The following RAB31 variants were observed in gnomAD, a reference collection of about 807,000 sequenced individuals.
RAB31 encodes RAB31, member RAS oncogene family, also known as ras-related protein Rab-31.
A neutral mutation model predicts 25.6 loss-of-function variants in RAB31; 21 were observed. The ratio of observed to expected loss-of-function variants is 0.82; its 90% CI spans 0.58 to 1.18. The LOEUF is 1.18. Among genes scored for constraint, RAB31 ranks in the 50% most tolerant of loss-of-function variants. The probability of loss-of-function intolerance (pLI) is 0.00; values close to 1 mark genes in which losing one functional copy is unlikely to be tolerated. For synonymous variants in RAB31, 87 were observed against 84.0 expected, an observed-to-expected ratio of 1.04 and a Z score of -0.20; for missense variants, 196 against 250.1, an observed-to-expected ratio of 0.78 and a Z score of 1.46.
At chr18:9,781,654 G>A (rs2068405498) in intron 2 of RAB31, among the ~76,000 whole-genome samples, 1 of 152,218 alleles carries the variant, frequency 6.6e-6, no homozygotes, top group African/African-American at 2.4e-5. Flanking sequence ...TGGAGTCAAT[G>A]TTAGGCTCAG....
At chr18:9,846,163 G>C (rs1344214807) in intron 6 of RAB31, among the ~76,000 whole-genome samples, 2 of 152,140 alleles carry the variant, frequency 1.3e-5, no homozygotes, top group Non-Finnish European at 2.9e-5. Context: ...TTGGATACAG[G>C]GTTGGCGTGT....
intron 1 of RAB31, among the ~76,000 whole-genome samples, chr18:9,728,851 A>C (rs889182568): frequency 6.6e-6 from 1 of 152,064 alleles, no homozygotes; most frequent in African/African-American, 2.4e-5. Context: ...GAATATAATA[A>C]ATTTTTTTAT....
chr18:9,739,745 G>A (rs1484589179), intron 1 of RAB31, among the ~76,000 whole-genome samples: 1 of 152,090 alleles, frequency 6.6e-6, no homozygotes, highest in Non-Finnish European at 1.5e-5. Context: ...GTGGCTTGTG[G>A]GGTCATCACA....
At chr18:9,772,609 G>T (rs751059716) in intron 1 of RAB31, among the ~76,000 whole-genome samples, 2 of 152,218 alleles carry the variant, frequency 1.3e-5, no homozygotes, top group African/African-American at 4.8e-5. Context: ...GTGAATGAAC[G>T]ATTGAATGGA....
chr18:9,708,839 G>C lies in RAB31; in HGVS notation c.39+395G>C, dbSNP rs1444663530. Reference sequence around the variant, plus strand: ...GACCCCCAGCGGGGACGGGGCAGTGGCGGCGAGTCTGGGGCCCCGAGGGCT... The same window carrying C: ...GACCCCCAGCGGGGACGGGGCAGTGCCGGCGAGTCTGGGGCCCCGAGGGCT... On this transcript the variant is annotated intron_variant, in intron 1 of 6. Coordinates refer to ENST00000578921, the MANE Select transcript of RAB31 (RefSeq NM_006868.4). The surrounding 1 kb of genome is among the most constrained non-coding windows in gnomAD (Gnocchi z 6.4). Among the ~76,000 whole-genome samples, 1 of 152,228 alleles carries C rather than the reference G, an allele frequency of 6.6e-6. No homozygotes were observed. The highest frequency in any genetic ancestry group is 1.5e-5 in the Non-Finnish European group (1 of 68,048).
intron 3 of RAB31, among the ~76,000 whole-genome samples, chr18:9,803,054 T>TGGCAACACCAGCC (rs2068521713): frequency 6.6e-6 from 1 of 152,168 alleles, no homozygotes; most frequent in Non-Finnish European, 1.5e-5. Context: ...CAGTCCCAGC[T>TGGCAACACCAGCC]GGCAACACCA....
At chr18:9,833,129 G>C (rs1216537377) in intron 5 of RAB31, among the ~76,000 whole-genome samples, 1 of 152,208 alleles carries the variant, frequency 6.6e-6, no homozygotes, top group Non-Finnish European at 1.5e-5. Flanking sequence ...ATCGAAAAAA[G>C]ACACTTCCAA....
At chr18:9,717,835 T>C (rs1024670101) in intron 1 of RAB31, among the ~76,000 whole-genome samples, 2 of 152,232 alleles carry the variant, frequency 1.3e-5, no homozygotes, top group African/African-American at 4.8e-5. Flanking sequence ...ATAATCAGAT[T>C]ATTGGCCAGG....
chr18:9,790,200 TTTAAAGTTGTTC>T (rs2068453174), intron 2 of RAB31, among the ~76,000 whole-genome samples: 1 of 152,094 alleles, frequency 6.6e-6, no homozygotes, highest in South Asian at 2.1e-4. Flanking sequence ...AATTTAAAAT[TTTAAAGTTGTTC>T]TTAAAATATC....
intron 2 of RAB31, among the ~76,000 whole-genome samples, 182 bp downstream of exon 2, chr18:9,775,539 C>T (rs2068367973): frequency 8.5e-6 from 1 of 117,822 alleles, no homozygotes; most frequent in South Asian, 2.6e-4. Flanking sequence ...GGCTTACTGT[C>T]CCTGTCGGTC....
intron 2 of RAB31, among the ~76,000 whole-genome samples, chr18:9,791,849 T>C (rs997212994): frequency 1.3e-5 from 2 of 152,152 alleles, no homozygotes; most frequent in African/African-American, 4.8e-5. Context: ...TGTAATCTGC[T>C]CACCTTGGCC....
At chr18:9,850,432 G>T (rs897702028) in intron 6 of RAB31, among the ~76,000 whole-genome samples, 35 of 152,162 alleles carry the variant, frequency 2.3e-4, no homozygotes, top group African/African-American at 8.4e-4. Flanking sequence ...GCTGGTTTGT[G>T]GATTTTAATT....
chr18:9,804,137 T>C (rs1345172925), intron 3 of RAB31, among the ~76,000 whole-genome samples: 3 of 152,204 alleles, frequency 2.0e-5, no homozygotes, highest in African/African-American at 4.8e-5. Flanking sequence ...TTCTTCTGCT[T>C]ACACACGGGC....
At chr18:9,856,058 C>T (rs1285415192) in intron 6 of RAB31, 2 of 152,188 alleles carry the variant, frequency 1.3e-5, no homozygotes, top group African/African-American at 4.8e-5. Context: ...TGCTGACTCT[C>T]TCACATCTCA....
chr18:9,822,796 T>G (rs947642792), intron 5 of RAB31, among the ~76,000 whole-genome samples: 8 of 152,216 alleles, frequency 5.3e-5, no homozygotes, highest in African/African-American at 1.9e-4. Context: ...AACTGAGTCA[T>G]CCATACGTTG....
intron 5 of RAB31, among the ~76,000 whole-genome samples, chr18:9,843,320 G>T (rs770422868): frequency 2.0e-5 from 3 of 152,082 alleles, no homozygotes; most frequent in Non-Finnish European, 4.4e-5. Flanking sequence ...TGAGGCAGGC[G>T]GATTACTTGA....
intron 2 of RAB31, among the ~76,000 whole-genome samples, chr18:9,788,201 A>C (rs2068443140): frequency 6.6e-6 from 1 of 152,236 alleles, no homozygotes; most frequent in South Asian, 2.1e-4. Flanking sequence ...CAGCAAAGAA[A>C]ACCCAAATAA....
intron 1 of RAB31, among the ~76,000 whole-genome samples, chr18:9,714,100 C>T (rs562673007): frequency 6.6e-6 from 1 of 152,310 alleles, no homozygotes; most frequent in Admixed American, 6.5e-5. Context: ...CCCAATGACA[C>T]TGTTTTAGTG....
chr18:9,832,754 T>C (rs1387349839), intron 5 of RAB31, among the ~76,000 whole-genome samples: 1 of 152,146 alleles, frequency 6.6e-6, no homozygotes, highest in Admixed American at 6.5e-5. Flanking sequence ...GAAGAGTGAA[T>C]GATGATGGTG....
Sources: gnomAD v4.1 joint callset for allele counts (sites outside exome capture counted in the v4.1 genomes callset) on GRCh38, gnomAD v4.1.1 for gene constraint, Gnocchi (gnomAD v3.1) non-coding constraint, MANE v1.5 for transcripts, NCBI Gene and HGNC (gene_info 2026-07-23, HGNC 2026-07-21) for gene names.